The following ALDH16A1 variants were observed in gnomAD, a reference collection of about 807,000 sequenced individuals.
ALDH16A1 encodes aldehyde dehydrogenase 16 family member A1, also known as aldehyde dehydrogenase family 16 member A1.
Under a neutral mutation model 96.1 loss-of-function variants are expected in ALDH16A1, and 88 were observed. The ratio of observed to expected loss-of-function variants is 0.92; its 90% CI spans 0.77 to 1.09. The LOEUF is 1.09. Ranked by LOEUF, ALDH16A1 falls within the 50% of genes least tolerant of loss-of-function variation. The pLI, the probability that ALDH16A1 is intolerant of heterozygous loss-of-function variation, is 0.00. For synonymous variants in ALDH16A1, 522 were observed against 496.4 expected, an observed-to-expected ratio of 1.05 and a Z score of -0.69; for missense variants, 1,250 against 1,112.6, an observed-to-expected ratio of 1.12 and a Z score of -1.76.
chr19:49,469,765 G>A (rs2079229959), intron 16 of ALDH16A1: 1 of 151,428 alleles, frequency 6.6e-6, no homozygotes, highest in South Asian at 2.1e-4. Context: ...TTTTTTAGTA[G>A]AGATGGGGTT....
rs76639852 is a variant in ALDH16A1 at position 49,464,947 on chromosome 19, A to G, written c.1568+185A>G. Among the ~76,000 whole-genome samples, 1,038 of 152,342 alleles carry G rather than the reference A, an allele frequency of 6.8e-3. 9 individuals carry two copies. Among genetic ancestry groups the G allele is most frequent in the African/African-American group, 0.023 (970 of 41,582 alleles). ...CTGCCGAGACTCTCAGCTCTGCCCC[A>G]TGAATGTCTGTACTCTCCCAGAAAC... On this transcript the variant is annotated intron_variant, in intron 12 of 16. Transcript: ENST00000293350.
intron 8 of ALDH16A1, 89 bp downstream of exon 8, chr19:49,462,844 G>T: frequency 7.9e-7 from 1 of 1,273,870 alleles, no homozygotes; most frequent in South Asian, 1.6e-5. Context: ...GGAGCTGGGC[G>T]TGGACAACTG....
In ALDH16A1 at chr19:49,465,790, G is replaced by A. The variant is rs1455107364; in HGVS notation, c.1621G>A (p.Ala541Thr). The A allele has an allele frequency of 6.2e-7, 1 of 1,614,124 alleles. No homozygotes were observed. The highest frequency in any genetic ancestry group is 8.5e-7 in the Non-Finnish European group (1 of 1,180,006). Residue 541 changes from alanine to threonine, a missense_variant, in exon 13 of 17, where the codon GCC (alanine) becomes ACC (threonine). Coordinates refer to ENST00000293350, the MANE Select transcript of ALDH16A1 (RefSeq NM_153329.4). The stretch of plus-strand genomic sequence containing the variant: ...TGGGGGCCGTTTCCAGGCTCCTGGG[G>A]CCCGAAGCTCCAGGCCCATCCGGGA... ...FVGGRFQAPGARSSRPIRDSS... is the reference protein window; with the variant it reads ...FVGGRFQAPGTRSSRPIRDSS...
intron 1 of ALDH16A1, 115 bp downstream of exon 1, chr19:49,453,536 TCCCC>T (rs952510614): frequency 1.0e-6 from 1 of 964,116 alleles, no homozygotes; most frequent in African/African-American, 1.6e-5. Flanking sequence ...CCTCTCTTAG[TCCCC>T]GTGATTCCCG....
At chr19:49,464,580 G>T in intron 11 of ALDH16A1, 52 bp from the exon 12 acceptor site, 2 of 1,612,130 alleles carry the variant, frequency 1.2e-6, no homozygotes, top group South Asian at 2.2e-5. Context: ...CTTGACACTC[G>T]CATCCGGCCT....
At position 49,459,665 on chromosome 19, in the gene ALDH16A1, G is replaced by A. The variant is rs766392085; in HGVS notation, c.321-5G>A. 43 of 1,602,172 alleles carry A rather than the reference G, an allele frequency of 2.7e-5. No homozygotes were observed. Among genetic ancestry groups the A allele is most frequent in the Non-Finnish European group, 3.5e-5 (41 of 1,174,376 alleles). On this transcript the variant is annotated splice_polypyrimidine_tract_variant and splice_region_variant and intron_variant, in intron 3 of 16. Transcript: ENST00000293350. This position sits in a 1 kb window ranked among gnomAD's most constrained non-coding sequence, Gnocchi z 4.1. ...AAAATGAGCACCCTCTTGCTTTCTC[G>A]ACAGGCTGGCCGAGGTGATCCAGAA...
In ALDH16A1 at chr19:49,459,386, G is replaced by A. The variant is rs1226014602; in HGVS notation, c.321-284G>A. Among the ~76,000 whole-genome samples, 1 of 152,204 alleles carries A rather than the reference G, an allele frequency of 6.6e-6. No homozygotes were observed. The highest frequency in any genetic ancestry group is 2.4e-5 in the African/African-American group (1 of 41,442). On this transcript the variant is annotated intron_variant, in intron 3 of 16. Coordinates refer to ENST00000293350, the MANE Select transcript of ALDH16A1 (RefSeq NM_153329.4). This position sits in a 1 kb window ranked among gnomAD's most constrained non-coding sequence, Gnocchi z 4.1. The stretch of plus-strand genomic sequence containing the variant: ...CCTAGCCGCTTGCGGGGAAGCTAGA[G>A]ACAAAAATTCCATTTCCCAAAACGC...
In ALDH16A1 at chr19:49,461,928, G is replaced by A. The variant is rs7259917; in HGVS notation, c.804G>A (p.Glu268=). ...GGAGCCTGGCGGGAGAGTGTGCGGAGCTGGGCCTGGCGCTGGGGACGGAGT... is the reference window on the plus strand; with the variant it reads ...GGAGCCTGGCGGGAGAGTGTGCGGAACTGGGCCTGGCGCTGGGGACGGAGT... ...LRRSLAGECA[E]LGLALGTESL... The change falls in exon 7 of 17, where the codon GAG becomes GAA. Residue 268 remains glutamate (E), a synonymous_variant. Transcript: ENST00000293350. 1.3e-3 allele frequency: 2,050 copies of A among 1,576,476 alleles called. 25 individuals are homozygous for A. In the African/African-American group the frequency reaches 0.024, roughly 19 times the overall value.
In ALDH16A1 at chr19:49,470,733, C is replaced by G. The variant is rs1251355978; in HGVS notation, c.*266C>G. The G allele has an allele frequency of 3.0e-6, 1 of 328,300 alleles. No homozygotes were observed. Among genetic ancestry groups the G allele is most frequent in the Non-Finnish European group, 5.5e-6 (1 of 180,696 alleles). 20.3% of individuals were successfully genotyped at this position (328,300 alleles called of 1,614,324 possible). A position where few individuals can be genotyped will look rare whatever the true frequency, so the allele number is the denominator to read the frequency against. On this transcript the variant is annotated 3_prime_UTR_variant, in exon 17 of 17. Transcript: ENST00000293350. ...GCACAATCTCGGCCCACTGCAGCCT[C>G]GACCTCTGGGGCTCAAGGGATCCTC...
rs570106191 is a variant in ALDH16A1 at position 49,455,000 on chromosome 19, C to T, written c.90+1579C>T. Among the ~76,000 whole-genome samples the T allele has an allele frequency of 2.0e-5, 3 of 151,562 alleles. No individual in the cohort carries two copies. In the East Asian group the frequency reaches 5.8e-4, roughly 29 times the overall value. ...GAGCGTGGTGGTGTTTGCCTGTAAT[C>T]CTAGCTACTTGGGAGGCTGAGGTGG... On this transcript the variant is annotated intron_variant, in intron 1 of 16. Coordinates refer to ENST00000293350, the MANE Select transcript of ALDH16A1 (RefSeq NM_153329.4).
Position 49,466,245 on chromosome 19 carries a change from T to TG in ALDH16A1, c.1906dup (p.Ala636GlyfsTer203). ...GCTGAGCGCAAGACGACTTCGGGCG[T>TG]GGGGGGCCCGGGTGCAGGCCCAAGG... On this transcript the variant is annotated frameshift_variant, in exon 14 of 17. Transcript: ENST00000293350. LOFTEE classifies it high-confidence loss of function. 2 of 1,484,132 alleles carry TG rather than the reference T, an allele frequency of 1.3e-6. No individual in the cohort carries two copies. Among genetic ancestry groups the TG allele is most frequent in the Non-Finnish European group, 9.0e-7 (1 of 1,116,774 alleles). The allele number at this position is 1,484,132 out of a possible 1,614,324, so 91.9% of individuals were successfully genotyped here.
intron 6 of ALDH16A1, 22 bp from the exon 7 acceptor site, chr19:49,461,862 C>A: frequency 6.3e-7 from 1 of 1,594,838 alleles, no homozygotes; most frequent in Non-Finnish European, 8.5e-7. Flanking sequence ...CCTCCTGCGG[C>A]TGAACTGGGG....
chr19:49,460,091 A>G (rs929685836), intron 4 of ALDH16A1, among the ~76,000 whole-genome samples: 3 of 150,352 alleles, frequency 2.0e-5, no homozygotes, highest in African/African-American at 7.4e-5. Context: ...TTATATTTTT[A>G]TTAGAGAAGA....
intron 1 of ALDH16A1, among the ~76,000 whole-genome samples, chr19:49,454,271 C>A (rs539789468): frequency 1.3e-5 from 2 of 152,110 alleles, no homozygotes; most frequent in African/African-American, 4.8e-5. Context: ...GATCCACCCA[C>A]CTCGACTTCC....
At chr19:49,457,603 T>C (rs963412966) in intron 1 of ALDH16A1, among the ~76,000 whole-genome samples, 18 of 149,548 alleles carry the variant, frequency 1.2e-4, no homozygotes, top group Admixed American at 6.7e-5. Context: ...GTGAGTGAGA[T>C]GTGGTAAAAA....
At chr19:49,466,058 C>T in intron 13 of ALDH16A1, 24 bp from the exon 14 acceptor site, 2 of 1,539,834 alleles carry the variant, frequency 1.3e-6, no homozygotes, top group Non-Finnish European at 1.7e-6. Flanking sequence ...ATGCCAACCC[C>T]CACTGTGCGC....
In ALDH16A1 at chr19:49,470,434, G is replaced by A. The variant is rs779020576; in HGVS notation, c.2376G>A (p.Arg792=). Residue 792 remains arginine, a synonymous_variant, in exon 17 of 17, where the codon CGG becomes CGA. Transcript: ENST00000293350. ...AGPELGLRVA[R]TKALWLPMGD ...CAGAGCTGGGGCTGCGAGTGGCGCG[G>A]ACCAAGGCCCTGTGGCTGCCTATGG... 6.2e-6 allele frequency: 10 copies of A among 1,604,118 alleles called. 1 individual carries two copies. In the South Asian group the frequency reaches 1.0e-4, roughly 16 times the overall value.
rs146453544 is a variant in ALDH16A1 at position 49,464,667 on chromosome 19, T to A, written c.1473T>A (p.Pro491=). The A allele has an allele frequency of 3.1e-6, 5 of 1,614,168 alleles. No individual in the cohort carries two copies. The African/African-American group carries it at 6.7e-5, about 22-fold the overall frequency. The stretch of plus-strand genomic sequence containing the variant: ...AGTATCTGCGGCCCTCAGGGACCCC[T>A]GCCCGGCTGTCCTGCCTCTCCAAGA... ...LYEYLRPSGT[P]ARLSCLSKNL... The change falls in exon 12 of 17, where the codon CCT becomes CCA. Residue 491 remains proline, a synonymous_variant. Transcript: ENST00000293350.
In ALDH16A1 at chr19:49,470,643, TTTTTC is replaced by T. The variant is rs1445582255; in HGVS notation, c.*181_*185del. The T allele has an allele frequency of 1.8e-6, 1 of 558,398 alleles. No homozygotes were observed. The highest frequency in any genetic ancestry group is 2.7e-6 in the Non-Finnish European group (1 of 375,474). The allele number at this position is 558,398 out of a possible 1,614,324, so 34.6% of individuals were successfully genotyped here. A position where few individuals can be genotyped will look rare whatever the true frequency, so the allele number is the denominator to read the frequency against. ...AGCAACTTCTGGCAGATATGAGGCT[TTTTTC>T]TTTTTTTTTTTTTTTTTTGAGACAA... On this transcript the variant is annotated 3_prime_UTR_variant, in exon 17 of 17. Transcript: ENST00000293350.
Sources: allele counts gnomAD v4.1 joint callset (sites outside exome capture counted in the v4.1 genomes callset), GRCh38; gene constraint gnomAD v4.1.1; non-coding constraint Gnocchi (gnomAD v3.1); transcripts MANE v1.5; gene names NCBI Gene and HGNC (gene_info 2026-07-23, HGNC 2026-07-21).